The following SUGCT variants were observed in gnomAD, a reference collection of about 807,000 sequenced individuals.
SUGCT encodes the protein succinyl-CoA:glutarate CoA-transferase.
SUGCT carries 41 observed loss-of-function variants against 55.0 expected under a neutral mutation model. The ratio of observed to expected loss-of-function variants is 0.74; its 90% CI spans 0.58 to 0.97. The LOEUF (loss-of-function observed/expected upper bound fraction) is 0.97. Among genes scored for constraint, SUGCT ranks in the 50% least tolerant of loss-of-function variants. The pLI is 0.00. For missense variants in SUGCT, 568 were observed against 547.8 expected (o/e 1.04, Z -0.37); for synonymous variants, 187 against 200.4 (o/e 0.93, Z 0.56).
At chr7:40,348,044 G>C (rs886261824) in intron 9 of SUGCT, among the ~76,000 whole-genome samples, 5 of 152,194 alleles carry the variant, frequency 3.3e-5, no homozygotes, top group African/African-American at 1.2e-4. Context: ...GGTTTTGAGG[G>C]GAAGGCAAGG....
intron 9 of SUGCT, among the ~76,000 whole-genome samples, chr7:40,352,736 T>G (rs1797698429): frequency 6.6e-6 from 1 of 152,218 alleles, no homozygotes; most frequent in African/African-American, 2.4e-5. Context: ...GCGATGAACA[T>G]ACGCGTGCGT....
At chr7:40,955,595 T>C in the SUGCT span, among the ~76,000 whole-genome samples, 1 of 152,236 alleles carries the variant, frequency 6.6e-6, no homozygotes, top group South Asian at 2.1e-4. Context: ...ATAATTTGAC[T>C]TCCTCTCTTC....
chr7:40,651,282 A>T (rs1451334407), intron 12 of SUGCT, among the ~76,000 whole-genome samples: 2 of 152,190 alleles, frequency 1.3e-5, no homozygotes, highest in Non-Finnish European at 2.9e-5. Context: ...AATAATCACC[A>T]TTCCAACTGG....
At chr7:40,459,843 A>G (rs1789697018) in intron 11 of SUGCT, among the ~76,000 whole-genome samples, 1 of 152,070 alleles carries the variant, frequency 6.6e-6, no homozygotes, top group African/African-American at 2.4e-5. Context: ...ACCTGTACCA[A>G]TTTTTCAAGT....
chr7:40,246,031 C>G lies in SUGCT; in HGVS notation c.576+8305C>G, dbSNP rs561123895. ...TGTAGTTTTTGTAGAGATGGGGTCTCTCCATGATGCCCAGGCTGGGTTCGA... is the reference window on the plus strand; with the variant it reads ...TGTAGTTTTTGTAGAGATGGGGTCTGTCCATGATGCCCAGGCTGGGTTCGA... On this transcript the variant is annotated intron_variant, in intron 7 of 13. Coordinates refer to ENST00000335693, the MANE Select transcript of SUGCT (RefSeq NM_001193313.2). Among the ~76,000 whole-genome samples the G allele has an allele frequency of 4.6e-5, 7 of 151,878 alleles. No individual in the cohort carries two copies. In the East Asian group the frequency reaches 9.7e-4, roughly 21 times the overall value.
chr7:40,282,997 C>G (rs1793070469), intron 8 of SUGCT, among the ~76,000 whole-genome samples: 1 of 151,486 alleles, frequency 6.6e-6, no homozygotes, highest in Non-Finnish European at 1.5e-5. Flanking sequence ...GATATGAGCC[C>G]AAAAAGCACA....
At chr7:40,947,789 C>T in the SUGCT span, among the ~76,000 whole-genome samples, 2 of 152,196 alleles carry the variant, frequency 1.3e-5, no homozygotes, top group East Asian at 3.8e-4. Context: ...GCTTGTTTCC[C>T]TGCCATTGCC....
the SUGCT span, chr7:40,967,231 T>C: frequency 0.33 from 50,446 of 152,040 alleles, 8,800 homozygotes; most frequent in African/African-American, 0.44. Context: ...CAGAGTGCAA[T>C]CTCACCAGTA....
intron 6 of SUGCT, among the ~76,000 whole-genome samples, chr7:40,200,441 G>A (rs561596200): frequency 2.6e-5 from 4 of 151,838 alleles, no homozygotes; most frequent in Admixed American, 2.0e-4. Flanking sequence ...TTTTTTTTGA[G>A]GGGGGTAACA....
At chr7:40,607,951 C>G (rs555568567) in intron 12 of SUGCT, among the ~76,000 whole-genome samples, 1 of 152,190 alleles carries the variant, frequency 6.6e-6, no homozygotes, top group Admixed American at 6.5e-5. Flanking sequence ...AATTTATGGC[C>G]TCAATAATGT....
At chr7:40,216,971 G>A (rs926190318) in intron 6 of SUGCT, among the ~76,000 whole-genome samples, 2 of 152,026 alleles carry the variant, frequency 1.3e-5, no homozygotes, top group South Asian at 4.2e-4. Context: ...TTTTCTTTGT[G>A]GTGTTCTTTT....
intron 13 of SUGCT, among the ~76,000 whole-genome samples, chr7:40,765,900 A>T (rs1483687227): frequency 6.6e-6 from 1 of 151,922 alleles, no homozygotes; most frequent in African/African-American, 2.4e-5. Flanking sequence ...ATCAAGCATC[A>T]CCCTCTAAGT....
At chr7:40,946,841 G>A in the SUGCT span, among the ~76,000 whole-genome samples, 12 of 152,202 alleles carry the variant, frequency 7.9e-5, no homozygotes, top group Non-Finnish European at 1.3e-4. Context: ...TTTTGTATGT[G>A]ATGATATTTG....
At chr7:40,210,414 C>T (rs952205373) in intron 6 of SUGCT, among the ~76,000 whole-genome samples, 24 of 151,850 alleles carry the variant, frequency 1.6e-4, no homozygotes, top group Non-Finnish European at 1.5e-5. Context: ...TCAAACCCAA[C>T]ATATTGATAC....
intron 6 of SUGCT, among the ~76,000 whole-genome samples, chr7:40,219,650 C>G (rs1017632405): frequency 6.6e-6 from 1 of 151,852 alleles, no homozygotes; most frequent in Non-Finnish European, 1.5e-5. Flanking sequence ...CCAGGTATGC[C>G]AATCACGGGG....
chr7:40,819,063 C>A (rs138014079), intron 13 of SUGCT, among the ~76,000 whole-genome samples: 1 of 152,108 alleles, frequency 6.6e-6, no homozygotes, highest in East Asian at 1.9e-4. Context: ...CCAGCTTCGT[C>A]CATGTCCCTA....
the SUGCT span, among the ~76,000 whole-genome samples, chr7:40,873,130 A>G: frequency 6.6e-6 from 1 of 152,216 alleles, no homozygotes; most frequent in Non-Finnish European, 1.5e-5. Flanking sequence ...GACATGAAAA[A>G]GAGGATAAAT....
intron 12 of SUGCT, among the ~76,000 whole-genome samples, chr7:40,591,317 A>G (rs757841098): frequency 1.3e-5 from 2 of 152,218 alleles, no homozygotes; most frequent in Non-Finnish European, 2.9e-5. Flanking sequence ...ACAGAGGATT[A>G]AAATTAGAAG....
At chr7:40,389,712 G>A (rs1048650572) in intron 9 of SUGCT, among the ~76,000 whole-genome samples, 6 of 152,122 alleles carry the variant, frequency 3.9e-5, no homozygotes, top group African/African-American at 9.7e-5. Context: ...TAAGAGAGTC[G>A]ATATAAATAG....
Sources: gnomAD v4.1 joint callset for allele counts (sites outside exome capture counted in the v4.1 genomes callset) on GRCh38, gnomAD v4.1.1 for gene constraint, MANE v1.5 for transcripts, NCBI Gene and HGNC (gene_info 2026-07-23, HGNC 2026-07-21) for gene names.